Variants in IGSF3 observed in about 807,000 individuals in gnomAD.
IGSF3 encodes the protein immunoglobulin superfamily member 3, also known as glu-Trp-Ile EWI motif-containing protein 3.
Under a neutral mutation model 114.4 loss-of-function variants are expected in IGSF3, and 23 were observed. The observed-to-expected ratio is 0.20, with a 90% CI of 0.14 to 0.28. IGSF3 has a LOEUF of 0.28. Among genes scored for constraint, IGSF3 ranks in the 10% least tolerant of loss-of-function variants. The pLI, the probability that IGSF3 is intolerant of heterozygous loss-of-function variation, is 1.00. For missense variants in IGSF3, 1,172 were observed against 1,591.5 expected (o/e 0.74, Z 4.48); for synonymous variants, 571 against 645.2 (o/e 0.88, Z 1.74).
At position 116,664,742 on chromosome 1, in the gene IGSF3, C is replaced by T. The variant is rs1649258776; in HGVS notation, c.43+1542G>A. Among the ~76,000 whole-genome samples the T allele has an allele frequency of 6.6e-6, 1 of 152,230 alleles. No homozygotes were observed. The highest frequency in any genetic ancestry group is 6.5e-5 in the Admixed American group (1 of 15,288). ...GGTGACATGGAGACACTGCCTGTAT[C>T]CCAGCCCACAGCTGAACAGAAGACT... On this transcript the variant is annotated intron_variant, in intron 2 of 10. Coordinates refer to ENST00000369486, the MANE Select transcript of IGSF3 (RefSeq NM_001007237.3). This position sits in a 1 kb window ranked among gnomAD's most constrained non-coding sequence, Gnocchi z 4.6.
chr1:116,616,099 A>C lies in IGSF3; in HGVS notation c.402T>G (p.Ser134Arg), dbSNP rs1373677820. 1 of 1,602,328 alleles carries C rather than the reference A, an allele frequency of 6.2e-7. No homozygotes were observed. The highest frequency in any genetic ancestry group is 1.3e-5 in the African/African-American group (1 of 74,744). Residue 134 changes from serine to arginine, a missense_variant, in exon 3 of 11, where the codon AGT (serine) becomes AGG (arginine). Ser to Arg is a moderately radical substitution (Grantham distance 110). Coordinates refer to ENST00000369486, the MANE Select transcript of IGSF3 (RefSeq NM_001007237.3). The surrounding 1 kb of genome is among the most constrained non-coding windows in gnomAD (Gnocchi z 6.6). The part of the protein sequence containing the change: ...STDKQYFGSY[S>R]AKMNLVVIPD... ...CCTTACCCACTAGGTTCATCTTTGC[A>C]CTGTAACTCCCAAAGTATTGCTTAT...
rs1430271641 is a variant in IGSF3, at chr1:116,642,989, A to G, written c.43+23295T>C. On this transcript the variant is annotated intron_variant, in intron 2 of 10. Coordinates refer to ENST00000369486, the MANE Select transcript of IGSF3 (RefSeq NM_001007237.3). The surrounding 1 kb of genome is among the most constrained non-coding windows in gnomAD (Gnocchi z 5.4). ...ACCTCTGCCCCTAAAGCAATTATTC[A>G]TTAACCACAGGGATCCACCATCCAG... Among the ~76,000 whole-genome samples the G allele has an allele frequency of 6.6e-6, 1 of 152,166 alleles. No individual in the cohort carries two copies. The highest frequency in any genetic ancestry group is 2.4e-5 in the African/African-American group (1 of 41,420).
rs1294453054 is a variant in IGSF3 at position 116,654,314 on chromosome 1, G to A, written c.43+11970C>T. On this transcript the variant is annotated intron_variant, in intron 2 of 10. Transcript: ENST00000369486. The surrounding 1 kb of genome is among the most constrained non-coding windows in gnomAD (Gnocchi z 4.4). ...TTTCCACCAGGCAGAATTTACAACCGTCTGGGACCTGCAGTCTCAGAGGGC... is the reference window on the plus strand; with the variant it reads ...TTTCCACCAGGCAGAATTTACAACCATCTGGGACCTGCAGTCTCAGAGGGC... Among the ~76,000 whole-genome samples the A allele has an allele frequency of 1.3e-5, 2 of 152,188 alleles. No individual in the cohort carries two copies. The highest frequency in any genetic ancestry group is 6.5e-5 in the Admixed American group (1 of 15,286).
Position 116,584,459 on chromosome 1 carries a change from G to A in IGSF3, c.2848+186C>T, listed in dbSNP as rs189033304. 1.8e-5 allele frequency: 11 copies of A among 603,956 alleles called. No individual in the cohort carries two copies. The highest frequency in any genetic ancestry group is 8.4e-5 in the Admixed American group (3 of 35,642). 37.4% of individuals were successfully genotyped at this position (603,956 alleles called of 1,614,324 possible). A position where few individuals can be genotyped will look rare whatever the true frequency, so the allele number is the denominator to read the frequency against. On this transcript the variant is annotated intron_variant, in intron 9 of 10. Transcript: ENST00000369486. The surrounding 1 kb of genome is among the most constrained non-coding windows in gnomAD (Gnocchi z 5.8). ...AAATCACCTTAGGCCAAAGCCAGAC[G>A]TGCAATTTTCCATTCACAAGAAAAA...
At chr1:116,619,098 C>G (rs973533598) in intron 2 of IGSF3, among the ~76,000 whole-genome samples, 1 of 152,120 alleles carries the variant, frequency 6.6e-6, no homozygotes, top group South Asian at 2.1e-4. Flanking sequence ...CTACATGGTG[C>G]CAGCCAAGTG....
intron 2 of IGSF3, among the ~76,000 whole-genome samples, chr1:116,656,393 C>T (rs376637102): frequency 2.2e-4 from 32 of 148,252 alleles, no homozygotes; most frequent in African/African-American, 6.3e-4. Flanking sequence ...CTCCGCCTCC[C>T]GGGTTCACAC....
Position 116,624,387 on chromosome 1 carries a change from A to T in IGSF3, c.44-7930T>A, listed in dbSNP as rs1256907930. On this transcript the variant is annotated intron_variant, in intron 2 of 10. Coordinates refer to ENST00000369486, the MANE Select transcript of IGSF3 (RefSeq NM_001007237.3). This position sits in a 1 kb window ranked among gnomAD's most constrained non-coding sequence, Gnocchi z 4.9. ...TGGTTACTTAACCTCTCTGCACCTC[A>T]GTTTCCTCATCTGTAAAGTGGTATA... Among the ~76,000 whole-genome samples, 2 of 152,168 alleles carry T rather than the reference A, an allele frequency of 1.3e-5. No individual in the cohort carries two copies. Among genetic ancestry groups the T allele is most frequent in the Admixed American group, 6.5e-5 (1 of 15,280 alleles).
Position 116,600,574 on chromosome 1 carries a change from G to A in IGSF3, c.1625-229C>T, listed in dbSNP as rs1660539465. ...CCACAATTCCCCCTGAGCAGCACTAGCCTAACCCTTCCCAGTGAGATCCTC... is the reference window on the plus strand; with the variant it reads ...CCACAATTCCCCCTGAGCAGCACTAACCTAACCCTTCCCAGTGAGATCCTC... On this transcript the variant is annotated intron_variant, in intron 6 of 10. Transcript: ENST00000369486. This position sits in a 1 kb window ranked among gnomAD's most constrained non-coding sequence, Gnocchi z 5.5. Among the ~76,000 whole-genome samples the A allele has an allele frequency of 6.6e-6, 1 of 152,148 alleles. No individual in the cohort carries two copies. Among genetic ancestry groups the A allele is most frequent in the Non-Finnish European group, 1.5e-5 (1 of 68,032 alleles).
chr1:116,580,657 T>C (rs1337196310), intron 9 of IGSF3, among the ~76,000 whole-genome samples: 1 of 152,256 alleles, frequency 6.6e-6, no homozygotes, highest in Non-Finnish European at 1.5e-5. Flanking sequence ...GCTGGTGCCC[T>C]GACCTCAGAC....
rs778124033 is a variant in IGSF3 at position 116,610,552 on chromosome 1, T to A, written c.833-2221A>T. Among the ~76,000 whole-genome samples, 3 of 152,146 alleles carry A rather than the reference T, an allele frequency of 2.0e-5. No individual in the cohort carries two copies. Among genetic ancestry groups the A allele is most frequent in the Non-Finnish European group, 4.4e-5 (3 of 68,012 alleles). Reference sequence around the variant, plus strand: ...AATTAGGCTTCACTGACTTAGCAAATGTCACAAATGATCCACCCTACCCCT... The same window carrying A: ...AATTAGGCTTCACTGACTTAGCAAAAGTCACAAATGATCCACCCTACCCCT... On this transcript the variant is annotated intron_variant, in intron 4 of 10. Transcript: ENST00000369486. This position sits in a 1 kb window ranked among gnomAD's most constrained non-coding sequence, Gnocchi z 4.3.
At chr1:116,613,726 C>T (rs1369467397) in intron 4 of IGSF3, 39 bp downstream of exon 4, 2 of 1,574,206 alleles carry the variant, frequency 1.3e-6, no homozygotes, top group South Asian at 1.1e-5. Context: ...GCCTTCACCA[C>T]CAAGTAAAGG....
Position 116,650,512 on chromosome 1 carries a change from C to T in IGSF3, c.43+15772G>A, listed in dbSNP as rs1368141711. 3.9e-5 allele frequency among the ~76,000 whole-genome samples: 6 copies of T among 152,204 alleles called. No individual in the cohort carries two copies. Among genetic ancestry groups the T allele is most frequent in the Non-Finnish European group, 7.3e-5 (5 of 68,034 alleles). On this transcript the variant is annotated intron_variant, in intron 2 of 10. Transcript: ENST00000369486. This position sits in a 1 kb window ranked among gnomAD's most constrained non-coding sequence, Gnocchi z 5.0. ...GCCTCCAGGATGGGCTCAGCTCAATCAGCACGTACCCTAGAGCTGGAGGCA... is the reference window on the plus strand; with the variant it reads ...GCCTCCAGGATGGGCTCAGCTCAATTAGCACGTACCCTAGAGCTGGAGGCA...
chr1:116,653,186 C>A (rs1648703092), intron 2 of IGSF3, among the ~76,000 whole-genome samples: 1 of 152,214 alleles, frequency 6.6e-6, no homozygotes, highest in South Asian at 2.1e-4. Flanking sequence ...CTCCACATGA[C>A]TTCAGTCATC....
In IGSF3 at chr1:116,644,805, G is replaced by A. The variant is rs894770790; in HGVS notation, c.43+21479C>T. 6.6e-6 allele frequency among the ~76,000 whole-genome samples: 1 copy of A among 152,204 alleles called. No individual in the cohort carries two copies. Among genetic ancestry groups the A allele is most frequent in the African/African-American group, 2.4e-5 (1 of 41,448 alleles). On this transcript the variant is annotated intron_variant, in intron 2 of 10. Coordinates refer to ENST00000369486, the MANE Select transcript of IGSF3 (RefSeq NM_001007237.3). The surrounding 1 kb of genome is among the most constrained non-coding windows in gnomAD (Gnocchi z 5.6). ...AATTCCTGTGAAAAGGACAGGCTCA[G>A]GGCATGTGAATGTGATAGTCAGCAA... is the stretch of plus-strand genomic sequence containing the variant.
chr1:116,609,722 T>C (rs1460854447), intron 4 of IGSF3, among the ~76,000 whole-genome samples: 1 of 152,092 alleles, frequency 6.6e-6, no homozygotes, highest in Non-Finnish European at 1.5e-5. Context: ...TAGACTGGCA[T>C]GTCTAGCCTT....
In IGSF3 at chr1:116,596,359, CTA is replaced by C. The variant is rs1660342523; in HGVS notation, c.2029+3580_2029+3581del. On this transcript the variant is annotated intron_variant, in intron 7 of 10. Coordinates refer to ENST00000369486, the MANE Select transcript of IGSF3 (RefSeq NM_001007237.3). The surrounding 1 kb of genome is among the most constrained non-coding windows in gnomAD (Gnocchi z 4.1). ...AAGACACCAGAGCAGGGCTAAGAATCTATGTTTTGAGGGGCAAGGTACGCAGG... is the reference window on the plus strand; with the variant it reads ...AAGACACCAGAGCAGGGCTAAGAATCTGTTTTGAGGGGCAAGGTACGCAGG... Among the ~76,000 whole-genome samples, 1 of 152,132 alleles carries C rather than the reference CTA, an allele frequency of 6.6e-6. No individual in the cohort carries two copies.
rs71274759 is a variant in IGSF3, at chr1:116,660,479, C to CTT, written c.43+5803_43+5804dup. 7.4e-3 allele frequency among the ~76,000 whole-genome samples: 737 copies of CTT among 99,646 alleles called. 1 individual carries two copies. The highest frequency in any genetic ancestry group is 9.4e-3 in the Non-Finnish European group (463 of 49,432). The allele number at this position is 99,646 out of a possible 152,430, so 65.4% of individuals were successfully genotyped here. A position where few individuals can be genotyped will look rare whatever the true frequency, so the allele number is the denominator to read the frequency against. ...CCACACCTGGCCTATGTATGCTTTT[C>CTT]TTTTTTTTTTTTTTTTTTTTTTTGA... On this transcript the variant is annotated intron_variant, in intron 2 of 10. Coordinates refer to ENST00000369486, the MANE Select transcript of IGSF3 (RefSeq NM_001007237.3).
In IGSF3 at chr1:116,593,368, G is replaced by A. The variant is rs1437779061; in HGVS notation, c.2030-4264C>T. Reference sequence around the variant, plus strand: ...CTGTGAGCAGCAGCCAGAGTGGCACGTGCAAAGAGATGGGCACTGAGGGAG... The same window carrying A: ...CTGTGAGCAGCAGCCAGAGTGGCACATGCAAAGAGATGGGCACTGAGGGAG... On this transcript the variant is annotated intron_variant, in intron 7 of 10. Coordinates refer to ENST00000369486, the MANE Select transcript of IGSF3 (RefSeq NM_001007237.3). The surrounding 1 kb of genome is among the most constrained non-coding windows in gnomAD (Gnocchi z 4.5). Among the ~76,000 whole-genome samples, 2 of 152,218 alleles carry A rather than the reference G, an allele frequency of 1.3e-5. No homozygotes were observed. The highest frequency in any genetic ancestry group is 2.4e-5 in the African/African-American group (1 of 41,452).
At position 116,655,243 on chromosome 1, in the gene IGSF3, C is replaced by G. The variant is rs112950444; in HGVS notation, c.43+11041G>C. ...TTGTTGAATGAACTTCTTGGGAAAGCCTTCTTAGGAAAAGTATTAGAAGTA... is the reference window on the plus strand; with the variant it reads ...TTGTTGAATGAACTTCTTGGGAAAGGCTTCTTAGGAAAAGTATTAGAAGTA... On this transcript the variant is annotated intron_variant, in intron 2 of 10. Transcript: ENST00000369486. This position sits in a 1 kb window ranked among gnomAD's most constrained non-coding sequence, Gnocchi z 4.3. 0.061 allele frequency among the ~76,000 whole-genome samples: 9,247 copies of G among 152,214 alleles called. 922 individuals are homozygous for G. Among genetic ancestry groups the G allele is most frequent in the African/African-American group, 0.21 (8,718 of 41,480 alleles).
Sources: gnomAD v4.1 joint callset for allele counts (sites outside exome capture counted in the v4.1 genomes callset) on GRCh38, gnomAD v4.1.1 for gene constraint, Gnocchi (gnomAD v3.1) non-coding constraint, MANE v1.5 for transcripts, NCBI Gene and HGNC (gene_info 2026-07-23, HGNC 2026-07-21) for gene names.